The following C12orf76 variants were observed in gnomAD, a reference collection of about 807,000 sequenced individuals.
C12orf76 encodes uncharacterized protein C12orf76.
C12orf76 carries 6 observed loss-of-function variants against 6.8 expected under a neutral mutation model. That is an observed-to-expected ratio of 0.88 (90% CI 0.48 to 1.73). The LOEUF (loss-of-function observed/expected upper bound fraction) is 1.73. C12orf76 is among the 40% of genes most tolerant of loss of function. The pLI, the probability that C12orf76 is intolerant of heterozygous loss-of-function variation, is 0.01. For missense variants in C12orf76, 99 were observed against 98.2 expected (o/e 1.01, Z -0.03); for synonymous variants, 56 against 43.7 (o/e 1.28, Z -1.11).
chr12:110,059,283 T>C, intron 2 of C12orf76: 11 of 1,224,108 alleles, frequency 9.0e-6, no homozygotes, highest in Non-Finnish European at 1.2e-5. Context: ...TTCTTCGGGA[T>C]TCTCCATATA....
chr12:110,057,403 G>A, intron 3 of C12orf76: 1 of 730,528 alleles, frequency 1.4e-6, no homozygotes, highest in South Asian at 1.6e-5. Flanking sequence ...CATCTTCATG[G>A]ACCCCTAAAG....
intron 3 of C12orf76, among the ~76,000 whole-genome samples, chr12:110,058,402 G>A (rs1485379102): frequency 7.2e-5 from 11 of 152,032 alleles, no homozygotes; most frequent in Non-Finnish European, 1.3e-4. Flanking sequence ...GGTGCCTCAC[G>A]CCTGTAATCC....
At chr12:110,072,749 C>T (rs886165820) in intron 1 of C12orf76, among the ~76,000 whole-genome samples, 2 of 151,830 alleles carry the variant, frequency 1.3e-5, no homozygotes, top group Admixed American at 6.6e-5. Context: ...ATGGCGAAAC[C>T]CCGTTTCTAC....
intron 1 of C12orf76, chr12:110,067,473 G>A: frequency 2.0e-6 from 2 of 985,374 alleles, no homozygotes; most frequent in Non-Finnish European, 2.4e-6. Context: ...ACAGATCACT[G>A]TATTTTGTCT....
intron 1 of C12orf76, 89 bp downstream of exon 1, chr12:110,048,274 C>G: frequency 7.2e-7 from 1 of 1,394,254 alleles, no homozygotes; most frequent in Non-Finnish European, 9.3e-7. Flanking sequence ...ACTCTATCCC[C>G]TGTCCGCTCC....
upstream of C12orf76, among the ~76,000 whole-genome samples, chr12:110,053,028 C>T (rs1892608798): frequency 6.6e-6 from 1 of 151,804 alleles, no homozygotes; most frequent in Non-Finnish European, 1.5e-5. Flanking sequence ...TGGCGAAACC[C>T]TGTCTCTACT....
chr12:110,053,859 G>T (rs1006713562), upstream of C12orf76, among the ~76,000 whole-genome samples: 1 of 152,012 alleles, frequency 6.6e-6, no homozygotes, highest in African/African-American at 2.4e-5. Context: ...TGAAGCAGGG[G>T]AATTGCTTGA....
chr12:110,068,327 AGAAGGC>A (rs1431657825), upstream of C12orf76, among the ~76,000 whole-genome samples: 2,077 of 132,240 alleles, frequency 0.016, 95 homozygotes, highest in Middle Eastern at 0.038. Context: ...AAGAAGAAGA[AGAAGGC>A]GGCCAAATAG....
At chr12:110,059,783 G>T (rs1892739194) in intron 2 of C12orf76, among the ~76,000 whole-genome samples, 1 of 152,172 alleles carries the variant, frequency 6.6e-6, no homozygotes, top group Admixed American at 6.6e-5. Context: ...GTAGGATGGA[G>T]GCTGTGAGTT....
Position 110,066,620 on chromosome 12 carries a change from G to A in C12orf76, n.207-587C>T, listed in dbSNP as rs532490812. On this transcript the variant is annotated intron_variant and non_coding_transcript_variant, in intron 1 of 4. Transcript: ENST00000309050. ...AGAGAATCGCTTGAACCCGGGAGGCGGAGGTTGCCGTGAGCCAAGATCGCG... is the reference window on the plus strand; with the variant it reads ...AGAGAATCGCTTGAACCCGGGAGGCAGAGGTTGCCGTGAGCCAAGATCGCG... Among the ~76,000 whole-genome samples, 7 of 152,038 alleles carry A rather than the reference G, an allele frequency of 4.6e-5. No individual in the cohort carries two copies. In the East Asian group the frequency reaches 1.2e-3, roughly 25 times the overall value.
rs1566070709 is a variant in C12orf76 at position 110,042,389 on chromosome 12, G to A, written c.204C>T (p.Pro68=). 6.2e-7 allele frequency: 1 copy of A among 1,614,028 alleles called. No individual in the cohort carries two copies. The highest frequency in any genetic ancestry group is 1.7e-5 in the Admixed American group (1 of 60,026). Residue 68 remains proline, a synonymous_variant, in exon 2 of 2, where the codon CCC becomes CCT. Transcript: ENST00000615315. ...VILMAFCVYK[P]IRRR is the part of the protein sequence containing the mutation. Reference sequence around the variant, plus strand: ...TGTCTGGCTGTCACCGACGCCGAATGGGCTTGTAGACACAAAATGCCATAA... The same window carrying A: ...TGTCTGGCTGTCACCGACGCCGAATAGGCTTGTAGACACAAAATGCCATAA...
At chr12:110,066,389 A>C (rs1373352165) in intron 1 of C12orf76, among the ~76,000 whole-genome samples, 1 of 144,524 alleles carries the variant, frequency 6.9e-6, no homozygotes, top group South Asian at 2.2e-4. Context: ...AAAAAAAAAA[A>C]AAAAAAAAAA....
exon 4 of C12orf76, chr12:110,057,296 C>G: frequency 6.2e-7 from 1 of 1,606,142 alleles, no homozygotes; most frequent in Non-Finnish European, 8.5e-7. Context: ...CCTTACAGCT[C>G]CTAAGGTTCC....
chr12:110,069,885 G>A (rs537908282), upstream of C12orf76, among the ~76,000 whole-genome samples: 45 of 152,328 alleles, frequency 3.0e-4, no homozygotes, highest in Non-Finnish European at 5.1e-4. Context: ...ATTTCATCAT[G>A]TGAAAGAAAA....
chr12:110,061,919 G>A (rs756514294), intron 2 of C12orf76, among the ~76,000 whole-genome samples: 40 of 152,080 alleles, frequency 2.6e-4, no homozygotes, highest in African/African-American at 8.5e-4. Flanking sequence ...CTGGCTACAC[G>A]ACCTTGGACA....
upstream of C12orf76, among the ~76,000 whole-genome samples, chr12:110,071,487 T>C (rs773950290): frequency 6.6e-6 from 1 of 152,166 alleles, no homozygotes; most frequent in Non-Finnish European, 1.5e-5. Flanking sequence ...ATGTCAATCA[T>C]CATGATAAGG....
intron 1 of C12orf76, chr12:110,042,721 C>T: frequency 4.7e-6 from 3 of 633,586 alleles, no homozygotes; most frequent in Admixed American, 2.5e-5. Flanking sequence ...GGGTGGGCAG[C>T]AAGAAGGGGG....
At chr12:110,057,220 C>T in exon 4 of C12orf76, 2 of 1,613,858 alleles carry the variant, frequency 1.2e-6, no homozygotes, top group Non-Finnish European at 1.7e-6. Flanking sequence ...GGCCCCATGC[C>T]AGCATGGTTA....
intron 1 of C12orf76, among the ~76,000 whole-genome samples, chr12:110,047,050 T>C (rs534781365): frequency 2.6e-5 from 4 of 152,274 alleles, no homozygotes; most frequent in South Asian, 4.1e-4. Flanking sequence ...CGTCAACACA[T>C]GGCAAACACT....
Sources: gnomAD v4.1 joint callset for allele counts (sites outside exome capture counted in the v4.1 genomes callset) on GRCh38, gnomAD v4.1.1 for gene constraint, MANE v1.5 for transcripts, NCBI Gene and HGNC (gene_info 2026-07-23, HGNC 2026-07-21) for gene names.